Variants in ZNF804A observed in about 807,000 individuals in gnomAD.
ZNF804A encodes the protein zinc finger protein 804A.
ZNF804A carries 2 observed loss-of-function variants against 16.5 expected under a neutral mutation model. The ratio of observed to expected loss-of-function variants is 0.12; its 90% CI spans 0.05 to 0.38. The LOEUF is 0.38. ZNF804A is among the 10% of genes least tolerant of loss of function. The probability of loss-of-function intolerance (pLI) is 0.99; values close to 1 mark genes in which losing one functional copy is unlikely to be tolerated. For synonymous variants in ZNF804A, 534 were observed against 489.6 expected, an observed-to-expected ratio of 1.09 and a Z score of -1.20; for missense variants, 1,473 against 1,390.7, an observed-to-expected ratio of 1.06 and a Z score of -0.94.
chr2:184,603,306 AT>A (rs372873685), intron 1 of ZNF804A, among the ~76,000 whole-genome samples: 92 of 152,194 alleles, frequency 6.0e-4, no homozygotes, highest in East Asian at 2.5e-3. Context: ...CTGTTAAAAA[AT>A]ATATTCACAT....
chr2:184,707,971 A>G (rs1164421742), intron 1 of ZNF804A, among the ~76,000 whole-genome samples: 1 of 152,052 alleles, frequency 6.6e-6, no homozygotes, highest in African/African-American at 2.4e-5. Flanking sequence ...CTTTTTACTA[A>G]TAGCCATTCT....
intron 1 of ZNF804A, among the ~76,000 whole-genome samples, chr2:184,614,791 A>G (rs574554955): frequency 1.2e-4 from 19 of 152,340 alleles, no homozygotes; most frequent in African/African-American, 4.6e-4. Context: ...AAAAAAGCTC[A>G]TTATCACTGG....
chr2:184,634,471 A>C (rs1691663384), intron 1 of ZNF804A, among the ~76,000 whole-genome samples: 1 of 152,088 alleles, frequency 6.6e-6, no homozygotes, highest in Non-Finnish European at 1.5e-5. Flanking sequence ...ATGTAATCAC[A>C]AGGATCCTTA....
chr2:184,904,617 A>C (rs1047852760), intron 2 of ZNF804A, among the ~76,000 whole-genome samples: 1 of 152,090 alleles, frequency 6.6e-6, no homozygotes, highest in South Asian at 2.1e-4. Context: ...ATCTTCTAAT[A>C]CTGTATAACT....
At chr2:184,875,053 G>C (rs1696031429) in intron 2 of ZNF804A, among the ~76,000 whole-genome samples, 1 of 152,106 alleles carries the variant, frequency 6.6e-6, no homozygotes, top group African/African-American at 2.4e-5. Flanking sequence ...ATTATGAAAA[G>C]TCCCTATTTG....
intron 1 of ZNF804A, among the ~76,000 whole-genome samples, chr2:184,854,285 A>G (rs1695652930): frequency 6.6e-6 from 1 of 151,982 alleles, no homozygotes; most frequent in Non-Finnish European, 1.5e-5. Context: ...TACACAATTT[A>G]TTCAACATCC....
At chr2:184,667,788 T>A (rs1692275031) in intron 1 of ZNF804A, among the ~76,000 whole-genome samples, 1 of 151,896 alleles carries the variant, frequency 6.6e-6, no homozygotes, top group Non-Finnish European at 1.5e-5. Context: ...AAGAGAATTC[T>A]TGTGAGAATT....
intron 1 of ZNF804A, among the ~76,000 whole-genome samples, chr2:184,659,338 C>T (rs1464321420): frequency 6.6e-6 from 1 of 152,074 alleles, no homozygotes; most frequent in Admixed American, 6.6e-5. Context: ...ATTTCCCAGT[C>T]CTCCTCTCAG....
chr2:184,937,130 C>A lies in ZNF804A; in HGVS notation c.1734C>A (p.Asn578Lys). The part of the protein sequence containing the change: ...IKQDTLDEKY[N>K]KIRLKETHEY... ...AGGACACTCTAGATGAAAAATACAA[C>A]AAAATAAGGTTGAAAGAGACCCATG... is the stretch of plus-strand genomic sequence containing the variant. The change falls in exon 4 of 4, where the codon AAC becomes AAA. Residue 578 changes from asparagine (N) to lysine (K), a missense_variant. Transcript: ENST00000302277. 1 of 1,603,034 alleles carries A rather than the reference C, an allele frequency of 6.2e-7. No individual in the cohort carries two copies. The highest frequency in any genetic ancestry group is 8.5e-7 in the Non-Finnish European group (1 of 1,177,322).
At chr2:184,811,452 T>TTC (rs10650227) in intron 1 of ZNF804A, among the ~76,000 whole-genome samples, 121,839 of 151,732 alleles carry the variant, frequency 0.8, 49,080 homozygotes, top group East Asian at 0.86. Flanking sequence ...AGTATCATTA[T>TTC]TAGATACCTA....
chr2:184,873,225 T>A (rs1445614785), intron 2 of ZNF804A, among the ~76,000 whole-genome samples: 3 of 152,180 alleles, frequency 2.0e-5, no homozygotes, highest in Admixed American at 1.3e-4. Context: ...TAAAAGCACA[T>A]GCCTGTAATC....
chr2:184,670,974 G>C (rs1173720136), intron 1 of ZNF804A, among the ~76,000 whole-genome samples: 1 of 151,906 alleles, frequency 6.6e-6, no homozygotes, highest in South Asian at 2.1e-4. Context: ...CATCTACCTG[G>C]GGCTTCTTTT....
chr2:184,747,297 C>T (rs555621979), intron 1 of ZNF804A, among the ~76,000 whole-genome samples: 4 of 139,780 alleles, frequency 2.9e-5, no homozygotes, highest in East Asian at 2.1e-4. Flanking sequence ...TTTTTTCTTC[C>T]GCTCTTTGCA....
At chr2:184,651,627 C>CA (rs1440724963) in intron 1 of ZNF804A, among the ~76,000 whole-genome samples, 5 of 151,638 alleles carry the variant, frequency 3.3e-5, no homozygotes, top group African/African-American at 1.2e-4. Context: ...TAAAAGTAGG[C>CA]AAAAAATAGG....
chr2:184,638,349 G>T (rs1423055337), intron 1 of ZNF804A, among the ~76,000 whole-genome samples: 2 of 152,070 alleles, frequency 1.3e-5, no homozygotes, highest in Non-Finnish European at 2.9e-5. Flanking sequence ...ATTGCATCGA[G>T]GTTCATTGGT....
At chr2:184,751,569 G>A (rs899643376) in intron 1 of ZNF804A, among the ~76,000 whole-genome samples, 3 of 151,142 alleles carry the variant, frequency 2.0e-5, no homozygotes, top group Non-Finnish European at 3.0e-5. Context: ...CTATTAAAAG[G>A]CAACATACAA....
intron 1 of ZNF804A, among the ~76,000 whole-genome samples, chr2:184,803,362 T>A (rs1574220027): frequency 6.6e-6 from 1 of 152,282 alleles, no homozygotes; most frequent in African/African-American, 2.4e-5. Context: ...TTATTATACT[T>A]TTGATACCCC....
rs1053843668 is a variant in ZNF804A, at chr2:184,933,147, A to G, written c.256-456A>G. The stretch of plus-strand genomic sequence containing the variant: ...TTTTCACTTACACACACACACGCAC[A>G]CACACACACACACACACAGACACAA... On this transcript the variant is annotated intron_variant, in intron 2 of 3. Coordinates refer to ENST00000302277, the MANE Select transcript of ZNF804A (RefSeq NM_194250.2). 2.7e-4 allele frequency among the ~76,000 whole-genome samples: 39 copies of G among 146,858 alleles called. No homozygotes were observed. The East Asian group carries it at 3.0e-3, about 11-fold the overall frequency.
intron 2 of ZNF804A, among the ~76,000 whole-genome samples, chr2:184,901,185 G>T (rs913093993): frequency 6.6e-6 from 1 of 152,034 alleles, no homozygotes; most frequent in African/African-American, 2.4e-5. Context: ...ACCACTCTTG[G>T]CATAACTTGT....
Sources: gnomAD v4.1 joint callset for allele counts (sites outside exome capture counted in the v4.1 genomes callset) on GRCh38, gnomAD v4.1.1 for gene constraint, MANE v1.5 for transcripts, NCBI Gene and HGNC (gene_info 2026-07-23, HGNC 2026-07-21) for gene names.